The following PIP4K2A variants were observed in gnomAD, a reference collection of about 807,000 sequenced individuals.
The protein encoded by PIP4K2A is phosphatidylinositol-5-phosphate 4-kinase type 2 alpha.
Under a neutral mutation model 42.9 loss-of-function variants are expected in PIP4K2A, and 14 were observed. The ratio of observed to expected loss-of-function variants is 0.33; its 90% CI spans 0.22 to 0.51. PIP4K2A has a LOEUF of 0.51. Among genes scored for constraint, PIP4K2A ranks in the 20% least tolerant of loss-of-function variants. The pLI is 0.97. For synonymous variants in PIP4K2A, 192 were observed against 192.2 expected (o/e 1.00, Z 0.01); for missense variants, 434 against 519.8 (o/e 0.83, Z 1.61).
intron 1 of PIP4K2A, among the ~76,000 whole-genome samples, chr10:22,612,312 A>G (rs796464061): frequency 6.6e-5 from 10 of 152,286 alleles, no homozygotes; most frequent in African/African-American, 2.4e-4. Context: ...CAGGAGGGAG[A>G]AGCACAATGG....
intron 3 of PIP4K2A, among the ~76,000 whole-genome samples, chr10:22,607,261 G>C (rs1190640047): frequency 1.3e-5 from 2 of 152,172 alleles, no homozygotes; most frequent in Non-Finnish European, 2.9e-5. Flanking sequence ...GTTATTTAAA[G>C]AGTTAAAACA....
chr10:22,574,868 T>C (rs538546528), intron 4 of PIP4K2A, among the ~76,000 whole-genome samples: 2 of 152,320 alleles, frequency 1.3e-5, no homozygotes, highest in East Asian at 1.9e-4. Flanking sequence ...TTCTCACATC[T>C]GATCTAGAGA....
At chr10:22,660,106 C>T (rs12098721) in intron 1 of PIP4K2A, among the ~76,000 whole-genome samples, 20,039 of 152,078 alleles carry the variant, frequency 0.13, 1,565 homozygotes, top group Middle Eastern at 0.22. Flanking sequence ...ACATGAAAAC[C>T]GTCTCACTTC....
intron 1 of PIP4K2A, among the ~76,000 whole-genome samples, chr10:22,690,293 G>A (rs757658811): frequency 6.6e-6 from 1 of 152,124 alleles, no homozygotes; most frequent in African/African-American, 2.4e-5. Flanking sequence ...CTTGCCCAAG[G>A]TCACACAGCT....
At chr10:22,698,922 T>C (rs946446079) in intron 1 of PIP4K2A, among the ~76,000 whole-genome samples, 2 of 152,200 alleles carry the variant, frequency 1.3e-5, no homozygotes, top group Admixed American at 6.5e-5. Context: ...TTCACCTAAA[T>C]AAGCATAAGA....
intron 4 of PIP4K2A, among the ~76,000 whole-genome samples, chr10:22,588,758 A>T (rs78002698): frequency 0.02 from 2,970 of 152,294 alleles, 44 homozygotes; most frequent in Non-Finnish European, 0.03. Flanking sequence ...TAAATAATTT[A>T]TATTAATAAT....
chr10:22,553,375 G>A (rs1836457613), intron 6 of PIP4K2A, among the ~76,000 whole-genome samples: 1 of 152,192 alleles, frequency 6.6e-6, no homozygotes, highest in South Asian at 2.1e-4. Flanking sequence ...TGCTTGCCAG[G>A]GACCAGGGGC....
chr10:22,620,136 C>T (rs1026122261), intron 1 of PIP4K2A, among the ~76,000 whole-genome samples: 1 of 152,186 alleles, frequency 6.6e-6, no homozygotes, highest in Non-Finnish European at 1.5e-5. Flanking sequence ...CAAACTCTCC[C>T]ATCTGTCAAC....
intron 1 of PIP4K2A, among the ~76,000 whole-genome samples, chr10:22,645,910 C>T (rs773017857): frequency 1.7e-4 from 26 of 151,974 alleles, no homozygotes; most frequent in Non-Finnish European, 2.6e-4. Context: ...TTTGTAGAGA[C>T]GGGGTCTCCC....
chr10:22,642,650 C>G (rs1189302674), intron 1 of PIP4K2A, among the ~76,000 whole-genome samples: 3 of 118,542 alleles, frequency 2.5e-5, no homozygotes, highest in Admixed American at 1.9e-4. Flanking sequence ...ATAAACAGAT[C>G]TATAATAGAA....
At chr10:22,640,311 A>G (rs1838754426) in intron 1 of PIP4K2A, among the ~76,000 whole-genome samples, 1 of 152,194 alleles carries the variant, frequency 6.6e-6, no homozygotes, top group Non-Finnish European at 1.5e-5. Flanking sequence ...TTCCCTTGGT[A>G]GCACAAGGTA....
At chr10:22,627,794 T>C (rs980495474) in intron 1 of PIP4K2A, among the ~76,000 whole-genome samples, 5 of 152,080 alleles carry the variant, frequency 3.3e-5, no homozygotes, top group African/African-American at 7.2e-5. Context: ...TTGAGGACTC[T>C]AGTAATTTCT....
At chr10:22,599,050 A>G (rs1159757834) in intron 3 of PIP4K2A, among the ~76,000 whole-genome samples, 2 of 151,660 alleles carry the variant, frequency 1.3e-5, no homozygotes, top group African/African-American at 4.8e-5. Flanking sequence ...ACTTTGGGAA[A>G]AACTGTCTCT....
intron 1 of PIP4K2A, among the ~76,000 whole-genome samples, chr10:22,640,240 C>T (rs1227073859): frequency 1.3e-5 from 2 of 152,052 alleles, no homozygotes; most frequent in Non-Finnish European, 2.9e-5. Flanking sequence ...TTAACAGGGA[C>T]TCATAAATCA....
chr10:22,549,351 CTTTT>C (rs74261081), intron 7 of PIP4K2A, among the ~76,000 whole-genome samples: 2 of 141,872 alleles, frequency 1.4e-5, no homozygotes, highest in East Asian at 2.0e-4. Context: ...TTTTCTTTTT[CTTTT>C]TTTTTTTTTG....
intron 1 of PIP4K2A, among the ~76,000 whole-genome samples, chr10:22,681,473 A>G: frequency 6.6e-6 from 1 of 152,152 alleles, no homozygotes; most frequent in East Asian, 1.9e-4. Context: ...TCAGAGTTTG[A>G]GACCAGCCTT....
intron 1 of PIP4K2A, among the ~76,000 whole-genome samples, chr10:22,664,192 CATAT>C (rs67717111): frequency 9.0e-5 from 5 of 55,494 alleles, no homozygotes; most frequent in South Asian, 4.3e-4. Context: ...CATATATATA[CATAT>C]ATATATACAT....
At chr10:22,609,926 G>T (rs1051610402) in intron 1 of PIP4K2A, among the ~76,000 whole-genome samples, 2 of 152,006 alleles carry the variant, frequency 1.3e-5, no homozygotes, top group South Asian at 2.1e-4. Flanking sequence ...TGGGTCCATG[G>T]TGGCCACCGG....
chr10:22,591,078 GAT>G (rs1837499320), intron 4 of PIP4K2A, among the ~76,000 whole-genome samples: 2 of 152,210 alleles, frequency 1.3e-5, no homozygotes. Context: ...TGCTCCCAAG[GAT>G]GGTCTACTTT....
Sources: gnomAD v4.1 joint callset for allele counts (sites outside exome capture counted in the v4.1 genomes callset) on GRCh38, gnomAD v4.1.1 for gene constraint, MANE v1.5 for transcripts, NCBI Gene and HGNC (gene_info 2026-07-23, HGNC 2026-07-21) for gene names.